The following RAB33A variants were observed in gnomAD, a reference collection of about 807,000 sequenced individuals.
RAB33A encodes the protein RAB33A, member RAS oncogene family.
In RAB33A, 6 loss-of-function variants were observed where a neutral mutation model predicts 12.0. The ratio of observed to expected loss-of-function variants is 0.50; its 90% CI spans 0.27 to 0.99. The LOEUF (loss-of-function observed/expected upper bound fraction) is 0.99, where lower values mean the gene tolerates loss of function less well. Among genes scored for constraint, RAB33A ranks in the 50% least tolerant of loss-of-function variants. The pLI is 0.11. For missense variants in RAB33A, 109 were observed against 192.0 expected (o/e 0.57, Z 2.55); for synonymous variants, 70 against 82.4 (o/e 0.85, Z 0.81).
At chrX:130,124,598 C>T in the RAB33A span, among the ~76,000 whole-genome samples, 4 of 112,186 alleles carry the variant, frequency 3.6e-5, no homozygotes, top group African/African-American at 1.3e-4. Flanking sequence ...TGATAGTGGT[C>T]CTCCAGAGGA....
chrX:130,168,872 G>A (rs971433673), upstream of RAB33A, among the ~76,000 whole-genome samples: 6 of 110,649 alleles, frequency 5.4e-5, no homozygotes, highest in East Asian at 8.6e-4. Context: ...TTGGGAGGCC[G>A]AGGAGGGTGG....
the RAB33A span, among the ~76,000 whole-genome samples, chrX:130,123,526 A>G: frequency 9.1e-6 from 1 of 109,589 alleles, no homozygotes; most frequent in African/African-American, 3.3e-5. Flanking sequence ...TCCCATCTCT[A>G]TTAAGAATAC....
the RAB33A span, among the ~76,000 whole-genome samples, chrX:130,124,314 A>G: frequency 8.9e-6 from 1 of 112,050 alleles, no homozygotes; most frequent in African/African-American, 3.2e-5. Context: ...TTGCTCAGAA[A>G]ATGTTAAAGA....
At chrX:130,181,007 CAAAAAA>C (rs60085312) in intron 1 of RAB33A, among the ~76,000 whole-genome samples, 3 of 8,123 alleles carry the variant, frequency 3.7e-4, no homozygotes, top group Admixed American at 2.1e-3. Context: ...CAGTCCATCT[CAAAAAA>C]AAAAAAAAAA....
intron 1 of RAB33A, among the ~76,000 whole-genome samples, chrX:130,181,036 C>T (rs1385615097): frequency 1.7e-5 from 1 of 60,065 alleles, no homozygotes; most frequent in Non-Finnish European, 2.7e-5. Flanking sequence ...AAAAAAAAAG[C>T]AAGCAAGCGA....
the RAB33A span, chrX:130,110,625 C>T: frequency 9.1e-6 from 1 of 110,098 alleles, no homozygotes; most frequent in South Asian, 3.7e-4. Flanking sequence ...CTCACCTCGG[C>T]GCCGGGGCAG....
chrX:130,138,282 G>C, the RAB33A span, among the ~76,000 whole-genome samples: 1 of 110,193 alleles, frequency 9.1e-6, no homozygotes, highest in Non-Finnish European at 1.9e-5. Context: ...TGGCTAACAC[G>C]GTGAAACCCC....
intron 1 of RAB33A, among the ~76,000 whole-genome samples, chrX:130,182,495 C>T (rs1222058389): frequency 2.7e-5 from 3 of 110,868 alleles, no homozygotes; most frequent in African/African-American, 9.8e-5. Flanking sequence ...TGGCTCATGC[C>T]TGTAATCCCA....
chrX:130,180,986 C>A (rs752819620), intron 1 of RAB33A, among the ~76,000 whole-genome samples: 1 of 66,688 alleles, frequency 1.5e-5, no homozygotes, highest in East Asian at 5.3e-4. Flanking sequence ...CCAGCCTGGG[C>A]AACAGAGCAA....
the RAB33A span, chrX:130,137,763 A>G: frequency 9.9e-7 from 1 of 1,013,188 alleles, no homozygotes; most frequent in South Asian, 3.3e-5. Flanking sequence ...AAAAGAAAGG[A>G]AAGAAAGTAT....
chrX:130,147,154 A>C, the RAB33A span, among the ~76,000 whole-genome samples: 1 of 111,219 alleles, frequency 9.0e-6, no homozygotes, highest in Non-Finnish European at 1.9e-5. Context: ...GAGCAGCAAG[A>C]CTCCATCTCA....
the RAB33A span, among the ~76,000 whole-genome samples, chrX:130,150,428 C>T: frequency 4.1e-5 from 4 of 97,430 alleles, no homozygotes; most frequent in East Asian, 3.3e-4. Flanking sequence ...CTCTGCCTCC[C>T]GGGTTCACGC....
the RAB33A span, chrX:130,137,432 C>A: frequency 5.2e-6 from 6 of 1,163,430 alleles, no homozygotes; most frequent in African/African-American, 1.1e-4. Flanking sequence ...ACTCTGTGCA[C>A]TTCCACCCAT....
chrX:130,133,202 C>T, the RAB33A span: 1 of 1,026,988 alleles, frequency 9.7e-7, no homozygotes, highest in East Asian at 3.0e-5. Context: ...ACTTTTTTCC[C>T]TTCTGTATGA....
chrX:130,137,108 T>C, the RAB33A span: 10 of 1,211,374 alleles, frequency 8.3e-6, no homozygotes, highest in Middle Eastern at 2.3e-4. Context: ...GTCCAGTTGC[T>C]GAGGTATTCG....
At chrX:130,175,492 CTTTTTT>C (rs5903795) in intron 1 of RAB33A, among the ~76,000 whole-genome samples, 1 of 75,586 alleles carries the variant, frequency 1.3e-5, no homozygotes, top group Non-Finnish European at 2.4e-5. Flanking sequence ...ACTGGGTTTA[CTTTTTT>C]TTTTTTTTTT....
intron 1 of RAB33A, among the ~76,000 whole-genome samples, chrX:130,177,910 A>G (rs2094544927): frequency 8.9e-6 from 1 of 112,235 alleles, no homozygotes; most frequent in South Asian, 3.7e-4. Context: ...GCCCACAGGA[A>G]AGGAGGAAAG....
At chrX:130,129,694 A>G in the RAB33A span, 1 of 1,024,905 alleles carries the variant, frequency 9.8e-7, no homozygotes, top group Admixed American at 2.2e-5. Context: ...TGCCCACACA[A>G]TGGGGCTACC....
chrX:130,155,411 A>T, the RAB33A span: 1 of 771,434 alleles, frequency 1.3e-6, no homozygotes. Context: ...AAGGAAAAAG[A>T]AAAAAATGCT....
Sources: gnomAD v4.1 joint callset for allele counts (sites outside exome capture counted in the v4.1 genomes callset) on GRCh38, gnomAD v4.1.1 for gene constraint, MANE v1.5 for transcripts, NCBI Gene and HGNC (gene_info 2026-07-23, HGNC 2026-07-21) for gene names.